The following MEI4 variants were observed in gnomAD, a reference collection of about 807,000 sequenced individuals.
MEI4 encodes the protein meiosis-specific protein MEI4.
In MEI4, 27 loss-of-function variants were observed where a neutral mutation model predicts 31.4. That is an observed-to-expected ratio of 0.86 (90% CI 0.63 to 1.19). The LOEUF (loss-of-function observed/expected upper bound fraction) is 1.19, where lower values mean the gene tolerates loss of function less well. Among genes scored for constraint, MEI4 ranks in the 50% most tolerant of loss-of-function variants. MEI4 has a pLI of 0.00. For missense variants in MEI4, 329 were observed against 398.9 expected, an observed-to-expected ratio of 0.82 and a Z score of 1.49; for synonymous variants, 122 against 145.4, an observed-to-expected ratio of 0.84 and a Z score of 1.16.
intron 2 of MEI4, among the ~76,000 whole-genome samples, chr6:77,712,372 GC>G (rs1766484806): frequency 6.6e-6 from 1 of 152,040 alleles, no homozygotes; most frequent in Non-Finnish European, 1.5e-5. Flanking sequence ...TGTGGTACAT[GC>G]TTTTTTTCCC....
chr6:77,868,519 A>ATATATATATATATATG (rs1771113486), intron 4 of MEI4, among the ~76,000 whole-genome samples: 1 of 138,104 alleles, frequency 7.2e-6, no homozygotes, highest in Non-Finnish European at 1.6e-5. Context: ...ATATATATAT[A>ATATATATATATATATG]TATATATATG....
At chr6:77,884,757 C>G (rs1197664565) in intron 4 of MEI4, among the ~76,000 whole-genome samples, 1 of 152,274 alleles carries the variant, frequency 6.6e-6, no homozygotes, top group Admixed American at 6.5e-5. Context: ...GTTACTATAG[C>G]CATGTAGTAT....
intron 4 of MEI4, among the ~76,000 whole-genome samples, chr6:77,906,961 T>A (rs1212247389): frequency 1.3e-5 from 2 of 152,050 alleles, no homozygotes; most frequent in East Asian, 3.9e-4. Flanking sequence ...TCTGTATGAC[T>A]GTGCACTACA....
intron 3 of MEI4, among the ~76,000 whole-genome samples, chr6:77,825,311 C>G (rs1253342135): frequency 6.6e-6 from 1 of 152,158 alleles, no homozygotes. Context: ...GTTTATTAAG[C>G]AGTTGCCTTT....
chr6:77,664,932 C>G (rs937810646), intron 1 of MEI4, among the ~76,000 whole-genome samples: 2 of 151,878 alleles, frequency 1.3e-5, no homozygotes, highest in Non-Finnish European at 2.9e-5. Context: ...GGTTTTAGGT[C>G]AGGTGTGAGT....
intron 4 of MEI4, among the ~76,000 whole-genome samples, chr6:77,921,329 G>C (rs1011523487): frequency 7.2e-5 from 11 of 151,780 alleles, no homozygotes; most frequent in Admixed American, 2.6e-4. Context: ...TTGTTCTGTA[G>C]CTTCCTCACT....
In MEI4 at chr6:77,839,633, T is replaced by G. The variant is rs1212293310; in HGVS notation, c.900+10571T>G. 2.6e-5 allele frequency among the ~76,000 whole-genome samples: 4 copies of G among 152,210 alleles called. No homozygotes were observed. In the East Asian group the frequency reaches 7.7e-4, roughly 29 times the overall value. Reference sequence around the variant, plus strand: ...AAACCCAAACTTCAGAGTAAAGACATGGAAAACTGACAGTGAAACTACCAC... The same window carrying G: ...AAACCCAAACTTCAGAGTAAAGACAGGGAAAACTGACAGTGAAACTACCAC... On this transcript the variant is annotated intron_variant, in intron 4 of 4. Transcript: ENST00000684080.
chr6:77,770,536 A>G (rs1768286392), intron 3 of MEI4, among the ~76,000 whole-genome samples: 1 of 152,202 alleles, frequency 6.6e-6, no homozygotes, highest in Non-Finnish European at 1.5e-5. Context: ...AAAAGAGCCC[A>G]AATACCCAAG....
chr6:77,836,458 A>G (rs534227533), intron 4 of MEI4, among the ~76,000 whole-genome samples: 20 of 152,242 alleles, frequency 1.3e-4, no homozygotes, highest in Admixed American at 3.9e-4. Context: ...AGCAGGAGAA[A>G]TCTCAAAAGT....
rs142001866 is a variant in MEI4 at position 77,759,615 on chromosome 6, G to T, written c.233-1515G>T. The stretch of plus-strand genomic sequence containing the variant: ...CCTAAGTCAGAACCATGGAATGCAT[G>T]TATTCATACTTTCACTTCATTGCCC... On this transcript the variant is annotated intron_variant, in intron 2 of 4. Coordinates refer to ENST00000684080, the MANE Select transcript of MEI4 (RefSeq NM_001322247.2). 1.4e-3 allele frequency among the ~76,000 whole-genome samples: 212 copies of T among 152,252 alleles called. 1 individual carries two copies. Among genetic ancestry groups the T allele is most frequent in the African/African-American group, 4.5e-3 (186 of 41,552 alleles).
At chr6:77,864,762 A>C (rs1180355378) in intron 4 of MEI4, among the ~76,000 whole-genome samples, 8 of 152,214 alleles carry the variant, frequency 5.3e-5, no homozygotes, top group Non-Finnish European at 1.5e-5. Flanking sequence ...CTCCACCCCA[A>C]ATCAACAGAA....
At chr6:77,703,817 G>C (rs1486400965) in intron 2 of MEI4, among the ~76,000 whole-genome samples, 1 of 152,116 alleles carries the variant, frequency 6.6e-6, no homozygotes, top group African/African-American at 2.4e-5. Flanking sequence ...AGATAAATGG[G>C]GTAAATGGGA....
intron 2 of MEI4, among the ~76,000 whole-genome samples, chr6:77,746,182 A>G (rs978152890): frequency 3.3e-5 from 5 of 152,232 alleles, no homozygotes; most frequent in East Asian, 1.9e-4. Flanking sequence ...TGAATCCAGG[A>G]GCCGGTTTTT....
chr6:77,762,688 C>T (rs1446504564), intron 3 of MEI4, among the ~76,000 whole-genome samples: 2 of 152,008 alleles, frequency 1.3e-5, no homozygotes, highest in Admixed American at 1.3e-4. Flanking sequence ...ACTGATAAAC[C>T]AATTTGTTTC....
At chr6:77,750,585 A>G (rs1463970972) in intron 2 of MEI4, among the ~76,000 whole-genome samples, 2 of 152,186 alleles carry the variant, frequency 1.3e-5, no homozygotes, top group Non-Finnish European at 2.9e-5. Flanking sequence ...CTAAATATAT[A>G]TGCAGCCAGT....
rs557966343 is a variant in MEI4, at chr6:77,810,954, C to G, written c.769-17977C>G. 6.6e-5 allele frequency among the ~76,000 whole-genome samples: 10 copies of G among 152,188 alleles called. No individual in the cohort carries two copies. In the South Asian group the frequency reaches 2.1e-3, roughly 32 times the overall value. On this transcript the variant is annotated intron_variant, in intron 3 of 4. Coordinates refer to ENST00000684080, the MANE Select transcript of MEI4 (RefSeq NM_001322247.2). ...AGGAAAAGAAAAAAAAATCTATCTA[C>G]CTTAAATCAGAACTGCTTATATTGA...
intron 4 of MEI4, among the ~76,000 whole-genome samples, chr6:77,903,499 C>CA (rs1318607522): frequency 1.3e-5 from 2 of 152,078 alleles, no homozygotes; most frequent in African/African-American, 4.8e-5. Context: ...ATTTTGAACT[C>CA]ACAATATTTT....
At chr6:77,776,147 C>G in intron 3 of MEI4, among the ~76,000 whole-genome samples, 1 of 148,554 alleles carries the variant, frequency 6.7e-6, no homozygotes, top group South Asian at 2.1e-4. Context: ...TCTGTTTACT[C>G]TGCTAATTGT....
chr6:77,700,489 C>G (rs1313525189), intron 2 of MEI4, among the ~76,000 whole-genome samples: 1 of 152,200 alleles, frequency 6.6e-6, no homozygotes, highest in East Asian at 1.9e-4. Context: ...CAGGTGCTGT[C>G]TATTACCCCT....
Sources: gnomAD v4.1 joint callset for allele counts (sites outside exome capture counted in the v4.1 genomes callset) on GRCh38, gnomAD v4.1.1 for gene constraint, MANE v1.5 for transcripts, NCBI Gene and HGNC (gene_info 2026-07-23, HGNC 2026-07-21) for gene names.